Variants in TUSC3 observed in about 807,000 individuals in gnomAD.
TUSC3 encodes the protein dolichyl-diphosphooligosaccharide--protein glycosyltransferase subunit TUSC3.
A neutral mutation model predicts 44.8 loss-of-function variants in TUSC3; 45 were observed. The ratio of observed to expected loss-of-function variants is 1.00; its 90% CI spans 0.79 to 1.29. The LOEUF (loss-of-function observed/expected upper bound fraction) is 1.29, where lower values mean the gene tolerates loss of function less well. Among genes scored for constraint, TUSC3 ranks in the 50% most tolerant of loss-of-function variants. TUSC3 has a pLI of 0.00. For synonymous variants in TUSC3, 212 were observed against 152.9 expected (o/e 1.39, Z -2.85); for missense variants, 519 against 437.9 (o/e 1.19, Z -1.65).
At chr8:15,619,799 C>G (rs1171168730) in intron 1 of TUSC3, among the ~76,000 whole-genome samples, 5 of 152,220 alleles carry the variant, frequency 3.3e-5, no homozygotes. Flanking sequence ...CGTGAGCCAC[C>G]GTGCCCGGCC....
At chr8:15,525,103 C>T (rs958535828) in intron 2 of TUSC3, among the ~76,000 whole-genome samples, 1 of 152,208 alleles carries the variant, frequency 6.6e-6, no homozygotes, top group African/African-American at 2.4e-5. Flanking sequence ...TGTAAAGGTA[C>T]AAGGAGACCA....
Position 15,509,691 on chromosome 8 carries a change from G to C in TUSC3, n.189+26208G>C, listed in dbSNP as rs187555499. Among the ~76,000 whole-genome samples the C allele has an allele frequency of 7.2e-5, 11 of 152,010 alleles. 1 individual carries two copies. Among genetic ancestry groups the C allele is most frequent in the Admixed American group, 2.0e-4 (3 of 15,262 alleles). ...AATTTGTAGTCTTAACTGTAGCTTT[G>C]TACTTCTTAATATTTTGGACTTTAC... On this transcript the variant is annotated intron_variant and non_coding_transcript_variant, in intron 2 of 5. Transcript: ENST00000503191.
At chr8:15,683,282 A>G (rs1808497302) in intron 6 of TUSC3, among the ~76,000 whole-genome samples, 3 of 152,130 alleles carry the variant, frequency 2.0e-5, no homozygotes, top group Admixed American at 6.5e-5. Context: ...CGCACAATGA[A>G]TCATAGATTT....
At chr8:15,587,067 A>G (rs17121672) in intron 1 of TUSC3, among the ~76,000 whole-genome samples, 4,587 of 152,162 alleles carry the variant, frequency 0.03, 72 homozygotes, top group East Asian at 0.053. Flanking sequence ...CATGCCTAAC[A>G]TTTTTTCTTC....
Position 15,514,051 on chromosome 8 carries a change from G to T in TUSC3, n.189+30568G>T, listed in dbSNP as rs77813100. On this transcript the variant is annotated intron_variant and non_coding_transcript_variant, in intron 2 of 5. Transcript: ENST00000503191. ...AACCAGTACTTTTCATCCTAGGAACGTCAAGGTCCCTTCTATGCGCCACCA... is the reference window on the plus strand; with the variant it reads ...AACCAGTACTTTTCATCCTAGGAACTTCAAGGTCCCTTCTATGCGCCACCA... Among the ~76,000 whole-genome samples the T allele has an allele frequency of 3.0e-3, 452 of 152,180 alleles. 1 individual carries two copies. The highest frequency in any genetic ancestry group is 0.011 in the African/African-American group (439 of 41,524).
the TUSC3 span, among the ~76,000 whole-genome samples, chr8:15,830,787 G>A: frequency 1.3e-5 from 2 of 152,124 alleles, no homozygotes; most frequent in Non-Finnish European, 2.9e-5. Context: ...GATCAGGGTT[G>A]AAAAATTATT....
the TUSC3 span, among the ~76,000 whole-genome samples, chr8:15,814,741 A>T: frequency 6.6e-6 from 1 of 152,158 alleles, no homozygotes; most frequent in Non-Finnish European, 1.5e-5. Context: ...GGACTTAGAG[A>T]TTTACCAATA....
chr8:15,738,838 T>A (rs113098040), intron 7 of TUSC3, among the ~76,000 whole-genome samples: 1 of 55,164 alleles, frequency 1.8e-5, no homozygotes, highest in African/African-American at 6.3e-5. Context: ...TTTTTTTTTT[T>A]TTTTTTTTTT....
intron 1 of TUSC3, among the ~76,000 whole-genome samples, chr8:15,592,817 C>T (rs1419967911): frequency 6.6e-6 from 1 of 152,162 alleles, no homozygotes; most frequent in Admixed American, 6.5e-5. Flanking sequence ...ACATGTGATA[C>T]AGGTACCCTT....
At chr8:15,832,383 G>A in the TUSC3 span, among the ~76,000 whole-genome samples, 3 of 152,064 alleles carry the variant, frequency 2.0e-5, no homozygotes, top group Non-Finnish European at 4.4e-5. Flanking sequence ...AAACAAGTCT[G>A]CATATAACCA....
At chr8:15,597,528 T>A (rs1804121603) in intron 1 of TUSC3, among the ~76,000 whole-genome samples, 1 of 152,154 alleles carries the variant, frequency 6.6e-6, no homozygotes, top group African/African-American at 2.4e-5. Context: ...AATAAAATTC[T>A]TTGCAAATCA....
At chr8:15,459,782 A>G (rs1267612800) in intron 1 of TUSC3, among the ~76,000 whole-genome samples, 2 of 151,958 alleles carry the variant, frequency 1.3e-5, no homozygotes, top group African/African-American at 4.8e-5. Context: ...CATCCCGGTC[A>G]ATGCGAGTGC....
the TUSC3 span, among the ~76,000 whole-genome samples, chr8:15,836,822 G>T: frequency 6.6e-6 from 1 of 151,998 alleles, no homozygotes; most frequent in Non-Finnish European, 1.5e-5. Flanking sequence ...GTTAAAAATG[G>T]ATAAACTTGC....
chr8:15,774,250 A>G, the TUSC3 span, among the ~76,000 whole-genome samples: 8 of 53,274 alleles, frequency 1.5e-4, no homozygotes, highest in Non-Finnish European at 2.1e-4. Context: ...CTCAAAAAAG[A>G]TAAGTTGAAG....
chr8:15,684,944 G>T (rs1198799582), intron 6 of TUSC3, among the ~76,000 whole-genome samples: 1 of 152,166 alleles, frequency 6.6e-6, no homozygotes, highest in East Asian at 1.9e-4. Context: ...AGGCTTAGGA[G>T]GGGCCACGGG....
intron 1 of TUSC3, among the ~76,000 whole-genome samples, chr8:15,603,030 C>A (rs1257288848): frequency 5.3e-5 from 8 of 151,364 alleles, no homozygotes; most frequent in African/African-American, 1.5e-4. Context: ...AATTGGACCA[C>A]AGTAAAAAAA....
intron 1 of TUSC3, among the ~76,000 whole-genome samples, chr8:15,594,865 A>G (rs1803997237): frequency 6.6e-6 from 1 of 152,124 alleles, no homozygotes; most frequent in African/African-American, 2.4e-5. Context: ...GAAGCCTAGG[A>G]TTCATTGCTG....
chr8:15,534,788 A>C (rs918907155), intron 2 of TUSC3, among the ~76,000 whole-genome samples: 79 of 152,334 alleles, frequency 5.2e-4, no homozygotes, highest in African/African-American at 1.9e-3. Context: ...ACAAATGTAT[A>C]GACAAAAAAG....
At chr8:15,521,633 G>A (rs1261229578) in intron 2 of TUSC3, among the ~76,000 whole-genome samples, 1 of 152,022 alleles carries the variant, frequency 6.6e-6, no homozygotes, top group African/African-American at 2.4e-5. Flanking sequence ...AAAAAGGTAC[G>A]TGCATAAACT....
Sources: allele counts gnomAD v4.1 joint callset (sites outside exome capture counted in the v4.1 genomes callset), GRCh38; gene constraint gnomAD v4.1.1; transcripts MANE v1.5; gene names NCBI Gene and HGNC (gene_info 2026-07-23, HGNC 2026-07-21).